NAV2: variants seen among roughly 807,000 people sequenced by gnomAD.
NAV2 encodes the protein neuron navigator 2.
NAV2 carries 54 observed loss-of-function variants against 223.2 expected under a neutral mutation model. That is an observed-to-expected ratio of 0.24 (90% CI 0.19 to 0.30). NAV2 has a LOEUF of 0.30. Ranked by LOEUF, NAV2 falls within the 10% of genes least tolerant of loss-of-function variation. NAV2 has a pLI of 1.00. For synonymous variants in NAV2, 1,279 were observed against 1,239.3 expected (o/e 1.03, Z -0.67); for missense variants, 2,806 against 3,147.5 (o/e 0.89, Z 2.60).
At chr11:19,346,705 T>C (rs1853035689), upstream of NAV2, among the ~76,000 whole-genome samples, 1 of 152,146 alleles carries the variant, frequency 6.6e-6, no homozygotes, top group Non-Finnish European at 1.5e-5. Flanking sequence ...CTGCCCTCCC[T>C]CCCCTGTGGC....
intron 1 of NAV2, among the ~76,000 whole-genome samples, chr11:19,515,411 T>A (rs187212986): frequency 2.4e-4 from 37 of 152,338 alleles, no homozygotes; most frequent in Non-Finnish European, 1.8e-4. Context: ...TCTCTACTTC[T>A]GTCTTTTACT....
At chr11:20,004,541 A>T (rs2052863716) in intron 11 of NAV2, among the ~76,000 whole-genome samples, 1 of 152,134 alleles carries the variant, frequency 6.6e-6, no homozygotes, top group African/African-American at 2.4e-5. Context: ...GTGGGCTCTG[A>T]TGCTGGGCAG....
At position 19,487,714 on chromosome 11, in the gene NAV2, A is replaced by C. The variant is rs182951447; in HGVS notation, c.75+136687A>C. On this transcript the variant is annotated intron_variant, in intron 1 of 37. Coordinates refer to the NAV2 transcript ENST00000360655. ...AACTGATTCATGCCAACAACCATGC[A>C]AGTGAGCTGGGAAGTGAATTTTTCC... 8.1e-4 allele frequency among the ~76,000 whole-genome samples: 123 copies of C among 152,292 alleles called. No individual in the cohort carries two copies. In the Middle Eastern group the frequency reaches 0.014, roughly 17 times the overall value.
chr11:19,859,137 C>CTTTTTT lies in NAV2; in HGVS notation c.439-9771_439-9766dup, dbSNP rs569446282. On this transcript the variant is annotated intron_variant, in intron 3 of 37. Coordinates refer to ENST00000349880, the MANE Select transcript of NAV2 (RefSeq NM_145117.5). ...ATGGAGGAGTCCAAAATCATATTCT[C>CTTTTTT]TTTTTTTTTTTTTTTTTTTTTTATT... Among the ~76,000 whole-genome samples, 153 of 107,096 alleles carry CTTTTTT rather than the reference C, an allele frequency of 1.4e-3. 6 individuals carry two copies. Among genetic ancestry groups the CTTTTTT allele is most frequent in the African/African-American group, 4.5e-3 (132 of 29,270 alleles). 70.3% of individuals were successfully genotyped at this position (107,096 alleles called of 152,430 possible).
At chr11:19,388,001 C>T (rs933369137) in intron 1 of NAV2, among the ~76,000 whole-genome samples, 2 of 152,174 alleles carry the variant, frequency 1.3e-5, no homozygotes, top group Admixed American at 6.5e-5. Flanking sequence ...GGATCTTCCC[C>T]AAGACCTCCA....
intron 1 of NAV2, among the ~76,000 whole-genome samples, chr11:19,496,691 A>G (rs1002269159): frequency 1.3e-5 from 2 of 152,202 alleles, no homozygotes; most frequent in African/African-American, 4.8e-5. Context: ...AAGGGCCTGA[A>G]TGTTAGGTGG....
At chr11:19,347,668 CA>C (rs1229293092), upstream of NAV2, among the ~76,000 whole-genome samples, 2 of 152,190 alleles carry the variant, frequency 1.3e-5, no homozygotes, top group Non-Finnish European at 2.9e-5. Context: ...CTTTCCCTTG[CA>C]GCCGCTCAGT....
In NAV2 at chr11:20,111,696, G is replaced by A. The variant is rs1031905323; in HGVS notation, c.6961-2896G>A. On this transcript the variant is annotated intron_variant, in intron 36 of 37. Transcript: ENST00000349880. ...CTGCAGGGAACAGGAACAGTGCAGA[G>A]TCAGTGTGGGGCCATTTATCGGATT... Among the ~76,000 whole-genome samples, 12 of 152,360 alleles carry A rather than the reference G, an allele frequency of 7.9e-5. No individual in the cohort carries two copies. In the East Asian group the frequency reaches 1.5e-3, roughly 20 times the overall value.
At chr11:19,922,174 T>C (rs993827218) in intron 6 of NAV2, among the ~76,000 whole-genome samples, 3 of 152,030 alleles carry the variant, frequency 2.0e-5, no homozygotes, top group Non-Finnish European at 2.9e-5. Context: ...TAATGGGTCC[T>C]GGGTCTCTCA....
intron 1 of NAV2, among the ~76,000 whole-genome samples, chr11:19,699,222 G>T (rs1036666821): frequency 6.6e-6 from 1 of 152,192 alleles, no homozygotes; most frequent in African/African-American, 2.4e-5. Flanking sequence ...TTTGAATGCT[G>T]GTTCTTCCTA....
intron 1 of NAV2, among the ~76,000 whole-genome samples, chr11:19,530,182 G>A (rs977494451): frequency 7.2e-5 from 11 of 152,288 alleles, no homozygotes; most frequent in South Asian, 6.2e-4. Context: ...GCAAAGAGGC[G>A]GTGTGGGGAC....
Position 20,056,273 on chromosome 11 carries a change from C to T in NAV2, c.4831+316C>T, listed in dbSNP as rs183277423. Among the ~76,000 whole-genome samples the T allele has an allele frequency of 3.7e-3, 571 of 152,336 alleles. 1 individual carries two copies. The highest frequency in any genetic ancestry group is 0.01 in the Middle Eastern group (3 of 294). On this transcript the variant is annotated intron_variant, in intron 19 of 37. Coordinates refer to ENST00000349880, the MANE Select transcript of NAV2 (RefSeq NM_145117.5). Reference sequence around the variant, plus strand: ...GGCCACAGCTTCTTGGCATGCGCCTCCACCTTGAGGCTCAGCCACCGGCTC... The same window carrying T: ...GGCCACAGCTTCTTGGCATGCGCCTTCACCTTGAGGCTCAGCCACCGGCTC...
intron 26 of NAV2, among the ~76,000 whole-genome samples, chr11:20,089,768 G>A (rs759490995): frequency 2.0e-5 from 3 of 151,990 alleles, no homozygotes; most frequent in African/African-American, 4.8e-5. Flanking sequence ...AATTCATCAC[G>A]ACTTGTATGA....
intron 1 of NAV2, among the ~76,000 whole-genome samples, chr11:19,823,090 C>A: frequency 6.6e-6 from 1 of 152,168 alleles, no homozygotes; most frequent in East Asian, 1.9e-4. Context: ...CTCTGTTACT[C>A]AAGCTGAGTG....
intron 1 of NAV2, among the ~76,000 whole-genome samples, chr11:19,551,662 A>G (rs1191349221): frequency 6.6e-6 from 1 of 152,252 alleles, no homozygotes; most frequent in Non-Finnish European, 1.5e-5. Flanking sequence ...AAACAGAATA[A>G]GAAACTGTGA....
At chr11:19,780,697 G>T (rs1448519803) in intron 1 of NAV2, among the ~76,000 whole-genome samples, 1 of 152,224 alleles carries the variant, frequency 6.6e-6, no homozygotes, top group Non-Finnish European at 1.5e-5. Flanking sequence ...GGAAAAAAAT[G>T]TATCCGGATT....
intron 1 of NAV2, among the ~76,000 whole-genome samples, chr11:19,783,974 GATA>G (rs2056930386): frequency 6.6e-6 from 1 of 152,164 alleles, no homozygotes; most frequent in South Asian, 2.1e-4. Context: ...GGAAGAAAGA[GATA>G]ATAAGCAAAA....
chr11:20,102,908 GCTC>G (rs2061739103), intron 32 of NAV2, among the ~76,000 whole-genome samples: 1 of 152,128 alleles, frequency 6.6e-6, no homozygotes, highest in Non-Finnish European at 1.5e-5. Flanking sequence ...TGTGTGTCTG[GCTC>G]CTCTGCTGCT....
intron 1 of NAV2, among the ~76,000 whole-genome samples, chr11:19,676,948 T>G (rs2048730887): frequency 6.6e-6 from 1 of 152,126 alleles, no homozygotes. Context: ...GTCACAAGAG[T>G]ACCATGTGAT....
Sources: allele counts gnomAD v4.1 joint callset (sites outside exome capture counted in the v4.1 genomes callset), GRCh38; gene constraint gnomAD v4.1.1; transcripts MANE v1.5; gene names NCBI Gene and HGNC (gene_info 2026-07-23, HGNC 2026-07-21).